LRBA: variants seen among roughly 807,000 people sequenced by gnomAD.
LRBA encodes the protein LPS responsive beige-like anchor protein.
In LRBA, 176 loss-of-function variants were observed where a neutral mutation model predicts 330.0. The ratio of observed to expected loss-of-function variants is 0.53; its 90% CI spans 0.47 to 0.60. LRBA has a LOEUF of 0.60. Ranked by LOEUF, LRBA falls within the 20% of genes least tolerant of loss-of-function variation. The pLI is 0.00. For missense variants in LRBA, 3,259 were observed against 3,444.8 expected, an observed-to-expected ratio of 0.95 and a Z score of 1.35; for synonymous variants, 1,230 against 1,193.0, an observed-to-expected ratio of 1.03 and a Z score of -0.64.
intron 40 of LRBA, among the ~76,000 whole-genome samples, chr4:150,554,714 T>C (rs1181535794): frequency 6.6e-6 from 1 of 152,108 alleles, no homozygotes; most frequent in Non-Finnish European, 1.5e-5. Context: ...CTGACCTCAT[T>C]TCTGCTTACT....
intron 2 of LRBA, among the ~76,000 whole-genome samples, chr4:151,011,169 A>C (rs1174438034): frequency 6.6e-6 from 1 of 151,924 alleles, no homozygotes; most frequent in Non-Finnish European, 1.5e-5. Flanking sequence ...CCTAGGCAAC[A>C]GAGCAAGACT....
At chr4:150,945,212 C>T (rs956605504) in intron 2 of LRBA, among the ~76,000 whole-genome samples, 3 of 152,054 alleles carry the variant, frequency 2.0e-5, no homozygotes, top group African/African-American at 7.2e-5. Context: ...AATTCGAGTA[C>T]CTATATAAAT....
chr4:150,478,589 G>A (rs937098064), intron 42 of LRBA, among the ~76,000 whole-genome samples: 3 of 152,096 alleles, frequency 2.0e-5, no homozygotes, highest in African/African-American at 7.2e-5. Flanking sequence ...GTCTTCAATA[G>A]GCTCCGGTCT....
intron 30 of LRBA, among the ~76,000 whole-genome samples, chr4:150,824,261 T>C (rs1265905326): frequency 1.3e-5 from 2 of 152,224 alleles, no homozygotes; most frequent in South Asian, 2.1e-4. Flanking sequence ...AATTTTTGTA[T>C]GCTAATTTTT....
At chr4:150,884,999 AG>A (rs1362509726) in intron 17 of LRBA, among the ~76,000 whole-genome samples, 1 of 152,118 alleles carries the variant, frequency 6.6e-6, no homozygotes, top group Non-Finnish European at 1.5e-5. Flanking sequence ...GAGATAAAAA[AG>A]TACCATTTAA....
chr4:150,565,397 G>C (rs893431141), intron 40 of LRBA, among the ~76,000 whole-genome samples: 1 of 151,920 alleles, frequency 6.6e-6, no homozygotes, highest in Non-Finnish European at 1.5e-5. Context: ...ATGCATGTGG[G>C]GCTTAAAACC....
intron 50 of LRBA, among the ~76,000 whole-genome samples, 193 bp from the exon 51 acceptor site, chr4:150,315,816 C>T (rs936939962): frequency 9.9e-5 from 15 of 152,208 alleles, no homozygotes; most frequent in East Asian, 3.9e-4. Flanking sequence ...AGATTAGTGC[C>T]GCTCTGAACT....
chr4:150,933,898 G>A lies in LRBA; in HGVS notation c.217-4833C>T, dbSNP rs973204008. 3.3e-5 allele frequency among the ~76,000 whole-genome samples: 5 copies of A among 151,902 alleles called. No individual in the cohort carries two copies. In the South Asian group the frequency reaches 1.0e-3, roughly 32 times the overall value. The stretch of plus-strand genomic sequence containing the variant: ...AAATTAGCTGGGTGTGGTGGCATGT[G>A]GCTGTAGTCCCAGCTGCTTGGAGGC... On this transcript the variant is annotated intron_variant, in intron 2 of 56. Coordinates refer to ENST00000651943, the MANE Select transcript of LRBA (RefSeq NM_001364905.1).
chr4:150,460,968 A>G (rs150728128), intron 44 of LRBA, among the ~76,000 whole-genome samples: 168 of 151,972 alleles, frequency 1.1e-3, no homozygotes, highest in African/African-American at 3.8e-3. Context: ...GGCATATTAC[A>G]GTACTCAATT....
At chr4:150,918,667 T>A (rs1454103957) in intron 5 of LRBA, among the ~76,000 whole-genome samples, 1 of 152,168 alleles carries the variant, frequency 6.6e-6, no homozygotes, top group Non-Finnish European at 1.5e-5. Flanking sequence ...CAAGAATCGC[T>A]TGAACCGGGA....
At position 150,699,734 on chromosome 4, in the gene LRBA, T is replaced by G. The variant is rs116159434; in HGVS notation, c.5755-16017A>C. On this transcript the variant is annotated intron_variant, in intron 36 of 56. Transcript: ENST00000651943. ...ATGTAAAGGTGCAGCAGTGGTGTCT[T>G]ACTTCACATGGTTTAGTGAATGACA... is the stretch of plus-strand genomic sequence containing the variant. Among the ~76,000 whole-genome samples the G allele has an allele frequency of 2.2e-3, 332 of 152,322 alleles. 1 individual carries two copies. The highest frequency in any genetic ancestry group is 7.4e-3 in the African/African-American group (309 of 41,568).
intron 40 of LRBA, among the ~76,000 whole-genome samples, chr4:150,558,417 G>C (rs1048856075): frequency 6.6e-6 from 1 of 152,148 alleles, no homozygotes; most frequent in East Asian, 1.9e-4. Flanking sequence ...CCAAAACTAA[G>C]TTATTTATTT....
intron 44 of LRBA, among the ~76,000 whole-genome samples, chr4:150,451,191 G>A (rs1041029080): frequency 4.6e-5 from 7 of 152,134 alleles, no homozygotes; most frequent in African/African-American, 1.7e-4. Context: ...CATGAGCAAC[G>A]ACATCTTCAA....
intron 38 of LRBA, among the ~76,000 whole-genome samples, chr4:150,596,813 C>T (rs961868729): frequency 6.6e-6 from 1 of 151,318 alleles, no homozygotes. Flanking sequence ...TTTCTAACAT[C>T]GAACAATACC....
chr4:150,983,408 T>C (rs1433745853), intron 2 of LRBA, among the ~76,000 whole-genome samples: 2 of 151,468 alleles, frequency 1.3e-5, no homozygotes, highest in East Asian at 3.9e-4. Context: ...TGAGCTGTGT[T>C]CATGCCACTG....
Position 150,265,734 on chromosome 4 carries a change from TTGG to T in LRBA, c.8544_8546del (p.Tyr2848_Gln2849delinsTer). 6.2e-7 allele frequency: 1 copy of T among 1,612,050 alleles called. No individual in the cohort carries two copies. On this transcript the variant is annotated stop_gained and inframe_deletion, in exon 57 of 57. Coordinates refer to ENST00000651943, the MANE Select transcript of LRBA (RefSeq NM_001364905.1). LOFTEE classifies it high-confidence loss of function. The stretch of plus-strand genomic sequence containing the variant: ...ACAGCTGTCACCATCAGTAGCGGGT[TTGG>T]TATTCATGATGCCACCGGTTAAAGT...
At chr4:150,510,085 A>T (rs1184546841) in intron 40 of LRBA, among the ~76,000 whole-genome samples, 1 of 152,214 alleles carries the variant, frequency 6.6e-6, no homozygotes, top group East Asian at 1.9e-4. Context: ...GGTTGCAGTG[A>T]GCCGAGATCA....
rs1245293625 is a variant in LRBA at position 150,733,450 on chromosome 4, AT to A, written c.5754+1807del. 2.0e-5 allele frequency among the ~76,000 whole-genome samples: 3 copies of A among 152,130 alleles called. No homozygotes were observed. In the East Asian group the frequency reaches 5.8e-4, roughly 29 times the overall value. ...GAGAAAGAGAATAAATGTCGTAAAA[AT>A]TTAACAATCACAAGATCTGGGAGAA... is the stretch of plus-strand genomic sequence containing the variant. On this transcript the variant is annotated intron_variant, in intron 36 of 56. Transcript: ENST00000651943.
chr4:150,862,256 A>G (rs1752039209), intron 22 of LRBA, among the ~76,000 whole-genome samples: 1 of 152,210 alleles, frequency 6.6e-6, no homozygotes. Context: ...ACTATTCACA[A>G]TAGCAAACAC....
Sources: allele counts gnomAD v4.1 joint callset (sites outside exome capture counted in the v4.1 genomes callset), GRCh38; gene constraint gnomAD v4.1.1; transcripts MANE v1.5; gene names NCBI Gene and HGNC (gene_info 2026-07-23, HGNC 2026-07-21).